The following GPC5 variants were observed in gnomAD, a reference collection of about 807,000 sequenced individuals.
GPC5 encodes glypican 5.
In GPC5, 47 loss-of-function variants were observed where a neutral mutation model predicts 53.9. The ratio of observed to expected loss-of-function variants is 0.87; its 90% CI spans 0.69 to 1.11. The LOEUF is 1.11. Ranked by LOEUF, GPC5 falls within the 50% of genes most tolerant of loss-of-function variation. The probability of loss-of-function intolerance (pLI) is 0.00; values close to 1 mark genes in which losing one functional copy is unlikely to be tolerated. For missense variants in GPC5, 748 were observed against 713.1 expected, an observed-to-expected ratio of 1.05 and a Z score of -0.56; for synonymous variants, 286 against 263.3, an observed-to-expected ratio of 1.09 and a Z score of -0.84.
chr13:92,741,029 T>G (rs990742677), intron 7 of GPC5, among the ~76,000 whole-genome samples: 2 of 148,106 alleles, frequency 1.4e-5, no homozygotes, highest in African/African-American at 5.0e-5. Context: ...CATTTCTACT[T>G]AAGATTATTC....
At chr13:92,257,001 T>C (rs2139135904) in intron 7 of GPC5, among the ~76,000 whole-genome samples, 1 of 152,266 alleles carries the variant, frequency 6.6e-6, no homozygotes, top group South Asian at 2.1e-4. Context: ...CATGCCACTC[T>C]TCGATTCTAT....
rs182876476 is a variant in GPC5, at chr13:91,404,429, A to G, written c.163+5220A>G. 2.9e-3 allele frequency among the ~76,000 whole-genome samples: 440 copies of G among 152,370 alleles called. 4 individuals carry two copies. The highest frequency in any genetic ancestry group is 9.9e-3 in the African/African-American group (410 of 41,594). ...TGGTATCTGATCTACTTGGTTAAGTAACAATAGCAATTAATTTTAATAGAT... is the reference window on the plus strand; with the variant it reads ...TGGTATCTGATCTACTTGGTTAAGTGACAATAGCAATTAATTTTAATAGAT... On this transcript the variant is annotated intron_variant, in intron 1 of 7. Transcript: ENST00000377067.
At chr13:91,695,175 GGGTTCTCAACTTGA>G in intron 3 of GPC5, among the ~76,000 whole-genome samples, 1 of 152,068 alleles carries the variant, frequency 6.6e-6, no homozygotes, top group Admixed American at 6.5e-5. Flanking sequence ...ACAATTAACC[GGGTTCTCAACTTGA>G]TGTAATGGCC....
chr13:92,759,073 A>G (rs1260895325), intron 7 of GPC5, among the ~76,000 whole-genome samples: 1 of 123,090 alleles, frequency 8.1e-6, no homozygotes, highest in African/African-American at 3.3e-5. Context: ...CTATTTCCGG[A>G]CTTTCTACTC....
intron 6 of GPC5, among the ~76,000 whole-genome samples, chr13:92,018,857 C>T (rs1594726678): frequency 1.3e-5 from 2 of 151,864 alleles, no homozygotes; most frequent in Middle Eastern, 3.4e-3. Flanking sequence ...AAAATAATTC[C>T]TTGTTTGAAA....
intron 7 of GPC5, among the ~76,000 whole-genome samples, chr13:92,457,515 T>C (rs930078223): frequency 9.9e-5 from 15 of 152,142 alleles, no homozygotes; most frequent in African/African-American, 2.9e-4. Flanking sequence ...GCTCACATTA[T>C]CAGACTGCTC....
At chr13:92,370,231 G>T (rs1320766526) in intron 7 of GPC5, among the ~76,000 whole-genome samples, 1 of 152,164 alleles carries the variant, frequency 6.6e-6, no homozygotes, top group Non-Finnish European at 1.5e-5. Context: ...CTAGTCCGTT[G>T]TGACAGTATT....
chr13:92,124,273 A>AAAAAT (rs2041676298), intron 6 of GPC5, among the ~76,000 whole-genome samples: 1 of 145,202 alleles, frequency 6.9e-6, no homozygotes, highest in Non-Finnish European at 1.5e-5. Flanking sequence ...AAAAAAAAAA[A>AAAAAT]CTAGTTCTCT....
intron 1 of GPC5, among the ~76,000 whole-genome samples, chr13:91,413,930 T>A (rs1001878640): frequency 2.6e-5 from 4 of 152,246 alleles, no homozygotes. Flanking sequence ...TAAAGTCATC[T>A]TCAAATCAGA....
intron 4 of GPC5, among the ~76,000 whole-genome samples, chr13:91,753,317 T>C (rs2037219768): frequency 6.6e-6 from 1 of 152,202 alleles, no homozygotes; most frequent in African/African-American, 2.4e-5. Context: ...AGGTGAGATT[T>C]CCCTTCCTTT....
At chr13:92,289,590 G>T (rs1232590894) in intron 7 of GPC5, among the ~76,000 whole-genome samples, 1 of 151,656 alleles carries the variant, frequency 6.6e-6, no homozygotes, top group Non-Finnish European at 1.5e-5. Flanking sequence ...TCTAATATTA[G>T]TTAATAATAA....
At chr13:91,812,287 C>T (rs1442851383) in intron 5 of GPC5, among the ~76,000 whole-genome samples, 1 of 152,094 alleles carries the variant, frequency 6.6e-6, no homozygotes, top group African/African-American at 2.4e-5. Flanking sequence ...AGTTGTGCCC[C>T]TCTATATTTA....
intron 7 of GPC5, among the ~76,000 whole-genome samples, chr13:92,451,894 GT>G (rs1468510665): frequency 2.6e-5 from 4 of 152,044 alleles, no homozygotes; most frequent in Admixed American, 2.0e-4. Context: ...TAAATCATAC[GT>G]TTAGTACAAG....
chr13:91,470,512 T>C (rs1215495622), intron 2 of GPC5, among the ~76,000 whole-genome samples: 3 of 152,188 alleles, frequency 2.0e-5, no homozygotes, highest in Non-Finnish European at 4.4e-5. Flanking sequence ...TTTTATGGCA[T>C]CGGAGCGCAT....
intron 6 of GPC5, among the ~76,000 whole-genome samples, chr13:92,022,332 G>A (rs983903123): frequency 2.0e-5 from 3 of 152,006 alleles, no homozygotes; most frequent in African/African-American, 7.2e-5. Flanking sequence ...GCAGTTGTGG[G>A]GGAGATTCTT....
chr13:91,719,682 A>C (rs1473693606), intron 3 of GPC5, among the ~76,000 whole-genome samples: 1 of 152,254 alleles, frequency 6.6e-6, no homozygotes, highest in East Asian at 1.9e-4. Context: ...GTAAAAATTC[A>C]TTGGAAAAAG....
intron 7 of GPC5, among the ~76,000 whole-genome samples, chr13:92,758,993 G>A (rs984188296): frequency 3.7e-5 from 3 of 80,694 alleles, no homozygotes; most frequent in African/African-American, 6.0e-5. Context: ...TTCCCATTGC[G>A]GTTTTTTTTT....
chr13:92,411,087 A>C (rs1304530838), intron 7 of GPC5, among the ~76,000 whole-genome samples: 2 of 152,098 alleles, frequency 1.3e-5, no homozygotes, highest in African/African-American at 4.8e-5. Context: ...ACAAACAAAC[A>C]AACAAAAAAG....
chr13:92,777,269 G>T (rs1372797341), intron 7 of GPC5, among the ~76,000 whole-genome samples: 1 of 150,604 alleles, frequency 6.6e-6, no homozygotes, highest in African/African-American at 2.4e-5. Context: ...CCAGGAGGTA[G>T]AGGTTGCAGT....
Sources: gnomAD v4.1 joint callset for allele counts (sites outside exome capture counted in the v4.1 genomes callset) on GRCh38, gnomAD v4.1.1 for gene constraint, MANE v1.5 for transcripts, NCBI Gene and HGNC (gene_info 2026-07-23, HGNC 2026-07-21) for gene names.